KCNIP4: variants seen among roughly 807,000 people sequenced by gnomAD.
KCNIP4 encodes potassium voltage-gated channel interacting protein 4.
In KCNIP4, 12 loss-of-function variants were observed where a neutral mutation model predicts 34.0. The ratio of observed to expected loss-of-function variants is 0.35; its 90% CI spans 0.23 to 0.57. The LOEUF (loss-of-function observed/expected upper bound fraction) is 0.57. Ranked by LOEUF, KCNIP4 falls within the 20% of genes least tolerant of loss-of-function variation. KCNIP4 has a pLI of 0.83. For missense variants in KCNIP4, 238 were observed against 311.7 expected (o/e 0.76, Z 1.78); for synonymous variants, 124 against 102.2 (o/e 1.21, Z -1.29).
At chr4:20,921,146 T>TG (rs1729360090) in intron 1 of KCNIP4, among the ~76,000 whole-genome samples, 1 of 152,148 alleles carries the variant, frequency 6.6e-6, no homozygotes, top group African/African-American at 2.4e-5. Flanking sequence ...GTACTGGTGA[T>TG]GGGAAAAATA....
intron 1 of KCNIP4, among the ~76,000 whole-genome samples, chr4:21,478,766 A>G (rs1177630228): frequency 1.3e-5 from 2 of 152,178 alleles, no homozygotes; most frequent in Non-Finnish European, 2.9e-5. Context: ...TTCTAGTGTG[A>G]TTATAGGGTT....
chr4:21,683,290 T>C (rs370862826), intron 1 of KCNIP4, among the ~76,000 whole-genome samples: 1 of 151,974 alleles, frequency 6.6e-6, no homozygotes, highest in African/African-American at 2.4e-5. Flanking sequence ...TTACACATTG[T>C]GTCAGGCTCT....
At chr4:20,934,330 G>A (rs956467180) in intron 1 of KCNIP4, among the ~76,000 whole-genome samples, 1 of 152,060 alleles carries the variant, frequency 6.6e-6, no homozygotes, top group Non-Finnish European at 1.5e-5. Flanking sequence ...CCTCACCTAT[G>A]AATTTCTCTC....
intron 5 of KCNIP4, among the ~76,000 whole-genome samples, chr4:20,748,560 TTATATATATATATATATATATA>T (rs3075750): frequency 1.8e-4 from 12 of 64,908 alleles, no homozygotes; most frequent in Non-Finnish European, 2.9e-4. Flanking sequence ...CTTCCAAATT[TTATATATATATATATATATATA>T]TATATATATA....
At chr4:20,741,415 T>G (rs1422892942) in intron 5 of KCNIP4, among the ~76,000 whole-genome samples, 1 of 152,202 alleles carries the variant, frequency 6.6e-6, no homozygotes, top group Non-Finnish European at 1.5e-5. Context: ...AGATTGAAAC[T>G]CACTCAAAAC....
chr4:20,991,752 G>A (rs1454440851), intron 1 of KCNIP4, among the ~76,000 whole-genome samples: 1 of 152,162 alleles, frequency 6.6e-6, no homozygotes, highest in Non-Finnish European at 1.5e-5. Context: ...GGAACAAGTG[G>A]TTTTAAAAGT....
chr4:21,708,175 T>C (rs1230218025), intron 1 of KCNIP4, among the ~76,000 whole-genome samples: 1 of 152,146 alleles, frequency 6.6e-6, no homozygotes, highest in African/African-American at 2.4e-5. Context: ...CATGTAGTTA[T>C]AGGAAGTATT....
chr4:21,683,404 T>C (rs1324240991), intron 1 of KCNIP4, among the ~76,000 whole-genome samples: 1 of 147,378 alleles, frequency 6.8e-6, no homozygotes, highest in East Asian at 2.1e-4. Flanking sequence ...CTAACATAAG[T>C]AACTTGCCCG....
chr4:21,076,043 C>T (rs894007080), intron 1 of KCNIP4, among the ~76,000 whole-genome samples: 2 of 152,030 alleles, frequency 1.3e-5, no homozygotes, highest in Non-Finnish European at 2.9e-5. Flanking sequence ...GTGGGTAACC[C>T]GACCTTTCTC....
intron 1 of KCNIP4, among the ~76,000 whole-genome samples, chr4:21,366,036 C>A (rs1262835049): frequency 6.6e-6 from 1 of 152,098 alleles, no homozygotes; most frequent in Admixed American, 6.6e-5. Flanking sequence ...GCTTGATGAT[C>A]CTATCATAGA....
chr4:20,875,662 C>G (rs1203343930), intron 2 of KCNIP4, among the ~76,000 whole-genome samples: 2 of 152,044 alleles, frequency 1.3e-5, no homozygotes, highest in Non-Finnish European at 2.9e-5. Context: ...TAGGTCAGAG[C>G]CTTTAGCTAA....
At chr4:21,527,694 C>G (rs760856873) in intron 1 of KCNIP4, among the ~76,000 whole-genome samples, 1 of 152,162 alleles carries the variant, frequency 6.6e-6, no homozygotes, top group Non-Finnish European at 1.5e-5. Flanking sequence ...AAACCATTTA[C>G]AATGCCTTGA....
rs1303238049 is a variant in KCNIP4, at chr4:21,270,400, G to A, written c.62-387691C>T. Among the ~76,000 whole-genome samples the A allele has an allele frequency of 2.6e-5, 4 of 152,144 alleles. No homozygotes were observed. In the East Asian group the frequency reaches 7.7e-4, roughly 29 times the overall value. On this transcript the variant is annotated intron_variant, in intron 1 of 8. Transcript: ENST00000382152. ...ACACTCAGACTCGAGGAGTGCTGCT[G>A]AGGGTTGGTAGGTAGTAACGTAAAC...
chr4:20,865,659 T>C (rs1722806755), intron 2 of KCNIP4, among the ~76,000 whole-genome samples: 1 of 151,918 alleles, frequency 6.6e-6, no homozygotes, highest in Non-Finnish European at 1.5e-5. Flanking sequence ...CCTAAAAAAA[T>C]GTTGAATACA....
chr4:21,286,487 G>C (rs1464904316), intron 1 of KCNIP4, among the ~76,000 whole-genome samples: 1 of 152,186 alleles, frequency 6.6e-6, no homozygotes, highest in Admixed American at 6.5e-5. Flanking sequence ...ATCCCTGGAA[G>C]TATTTTCTTT....
Position 20,864,318 on chromosome 4 carries a change from G to A in KCNIP4, c.164-13651C>T, listed in dbSNP as rs371668910. Among the ~76,000 whole-genome samples, 35 of 150,304 alleles carry A rather than the reference G, an allele frequency of 2.3e-4. No homozygotes were observed. In the South Asian group the frequency reaches 4.0e-3, roughly 17 times the overall value. On this transcript the variant is annotated intron_variant, in intron 2 of 8. Coordinates refer to ENST00000382152, the MANE Select transcript of KCNIP4 (RefSeq NM_025221.6). ...CACATATGTATGCATATATACATAC[G>A]TTTATATGCATATGTATGTAAACAT...
At chr4:21,730,520 G>T (rs778100641) in intron 1 of KCNIP4, among the ~76,000 whole-genome samples, 1 of 152,094 alleles carries the variant, frequency 6.6e-6, no homozygotes. Context: ...GTGACGGCCA[G>T]ACAGGATATA....
chr4:21,018,653 C>G (rs1348143191), intron 1 of KCNIP4, among the ~76,000 whole-genome samples: 1 of 152,104 alleles, frequency 6.6e-6, no homozygotes, highest in Admixed American at 6.5e-5. Flanking sequence ...TCCCTTCCCC[C>G]TCTCCTTCAC....
At chr4:20,964,137 G>C (rs950696177) in intron 1 of KCNIP4, among the ~76,000 whole-genome samples, 15 of 152,018 alleles carry the variant, frequency 9.9e-5, no homozygotes, top group African/African-American at 3.6e-4. Context: ...ATACATGTGA[G>C]GTCCTCAGCC....
Sources: gnomAD v4.1 joint callset for allele counts (sites outside exome capture counted in the v4.1 genomes callset) on GRCh38, gnomAD v4.1.1 for gene constraint, MANE v1.5 for transcripts, NCBI Gene and HGNC (gene_info 2026-07-23, HGNC 2026-07-21) for gene names.